The following PDE4D variants were observed in gnomAD, a reference collection of about 807,000 sequenced individuals.
PDE4D encodes the protein 3',5'-cyclic-AMP phosphodiesterase 4D.
PDE4D carries 24 observed loss-of-function variants against 87.4 expected under a neutral mutation model. That is an observed-to-expected ratio of 0.27 (90% CI 0.20 to 0.39). The LOEUF (loss-of-function observed/expected upper bound fraction) is 0.39, where lower values mean the gene tolerates loss of function less well. Among genes scored for constraint, PDE4D ranks in the 10% least tolerant of loss-of-function variants. The pLI is 1.00. For missense variants in PDE4D, 714 were observed against 1,041.0 expected (o/e 0.69, Z 4.32); for synonymous variants, 384 against 383.2 (o/e 1.00, Z -0.02).
chr5:59,035,784 T>C (rs1213362473), intron 6 of PDE4D, among the ~76,000 whole-genome samples: 1 of 152,184 alleles, frequency 6.6e-6, no homozygotes, highest in Non-Finnish European at 1.5e-5. Context: ...GAGACCTCAC[T>C]AAAATTACCC....
At chr5:59,148,558 C>T (rs917464068) in intron 5 of PDE4D, among the ~76,000 whole-genome samples, 4 of 152,100 alleles carry the variant, frequency 2.6e-5, no homozygotes, top group Non-Finnish European at 5.9e-5. Flanking sequence ...TATCCCAGCA[C>T]CTGCATGGTA....
chr5:59,613,332 C>A (rs2150076794), intron 1 of PDE4D, among the ~76,000 whole-genome samples: 1 of 152,232 alleles, frequency 6.6e-6, no homozygotes, highest in South Asian at 2.1e-4. Flanking sequence ...TGGTTTTGGA[C>A]ATGCTCAGTT....
chr5:60,092,607 G>A (rs1318649412), intron 2 of PDE4D, among the ~76,000 whole-genome samples: 3 of 151,210 alleles, frequency 2.0e-5, no homozygotes, highest in African/African-American at 7.3e-5. Context: ...AGGGTACTAG[G>A]AATAAAGTTA....
At chr5:59,533,699 A>C (rs770934168) in intron 1 of PDE4D, among the ~76,000 whole-genome samples, 19 of 152,220 alleles carry the variant, frequency 1.2e-4, no homozygotes, top group Non-Finnish European at 2.8e-4. Context: ...TTGGGGTCTT[A>C]TTAGAAGCAA....
intron 1 of PDE4D, among the ~76,000 whole-genome samples, chr5:59,321,504 C>T (rs926131846): frequency 6.6e-6 from 1 of 152,098 alleles, no homozygotes; most frequent in African/African-American, 2.4e-5. Context: ...CCTTTGTGTT[C>T]TCCCTGTTCT....
At chr5:59,979,628 A>T (rs1761712600) in intron 3 of PDE4D, among the ~76,000 whole-genome samples, 1 of 152,160 alleles carries the variant, frequency 6.6e-6, no homozygotes, top group Admixed American at 6.5e-5. Context: ...TCATCCAGAT[A>T]TGTTGCATAC....
intron 1 of PDE4D, among the ~76,000 whole-genome samples, chr5:59,428,993 C>T (rs536534229): frequency 5.9e-5 from 9 of 152,030 alleles, no homozygotes; most frequent in Non-Finnish European, 1.2e-4. Flanking sequence ...CACTGTGATG[C>T]CCAATTTTAA....
chr5:60,351,956 C>A (rs1424400334), intron 1 of PDE4D, among the ~76,000 whole-genome samples: 1 of 151,022 alleles, frequency 6.6e-6, no homozygotes, highest in African/African-American at 2.4e-5. Context: ...CAGGCGTGCA[C>A]CACCACACCC....
At chr5:59,922,225 A>G (rs1026763682) in intron 3 of PDE4D, among the ~76,000 whole-genome samples, 1 of 152,328 alleles carries the variant, frequency 6.6e-6, no homozygotes, top group East Asian at 1.9e-4. Context: ...CCTCACTGCC[A>G]TAAGTTAAAG....
chr5:59,373,829 C>A (rs952785017), intron 1 of PDE4D, among the ~76,000 whole-genome samples: 2 of 152,148 alleles, frequency 1.3e-5, no homozygotes, highest in Non-Finnish European at 2.9e-5. Context: ...AACTGTGGAC[C>A]TCTCAGCAGA....
intron 1 of PDE4D, among the ~76,000 whole-genome samples, chr5:59,542,093 A>G (rs1816453622): frequency 6.6e-6 from 1 of 152,010 alleles, no homozygotes; most frequent in Non-Finnish European, 1.5e-5. Flanking sequence ...TTTTGATACT[A>G]TTTCTCAAAT....
At chr5:59,852,194 T>C (rs1744775209) in intron 1 of PDE4D, among the ~76,000 whole-genome samples, 1 of 151,980 alleles carries the variant, frequency 6.6e-6, no homozygotes, top group Admixed American at 6.6e-5. Flanking sequence ...TCTTCACTGG[T>C]AGCCAGCCTC....
rs199799202 is a variant in PDE4D at position 59,191,769 on chromosome 5, T to C, written c.684+1731A>G. Among the ~76,000 whole-genome samples the C allele has an allele frequency of 2.0e-5, 3 of 152,036 alleles. No homozygotes were observed. In the East Asian group the frequency reaches 5.8e-4, roughly 29 times the overall value. On this transcript the variant is annotated intron_variant, in intron 3 of 14. Coordinates refer to ENST00000340635, the MANE Select transcript of PDE4D (RefSeq NM_001104631.2). ...TATTTTTAGTAGAGACAGGGTTTCA[T>C]CAAGTTGGCCAGGCTGGTCTCGAAC...
At chr5:59,986,036 C>G (rs1582049651) in intron 3 of PDE4D, among the ~76,000 whole-genome samples, 2 of 152,124 alleles carry the variant, frequency 1.3e-5, no homozygotes, top group South Asian at 2.1e-4. Context: ...AATTCGGAAC[C>G]CTGAAGTTCC....
chr5:60,409,807 T>C (rs16878027), intron 1 of PDE4D, among the ~76,000 whole-genome samples: 2 of 152,180 alleles, frequency 1.3e-5, no homozygotes, highest in Non-Finnish European at 2.9e-5. Flanking sequence ...AGTTCTTCCA[T>C]GGTGAAATGA....
At chr5:59,464,734 GA>G (rs1801309337) in intron 1 of PDE4D, among the ~76,000 whole-genome samples, 1 of 152,116 alleles carries the variant, frequency 6.6e-6, no homozygotes, top group South Asian at 2.1e-4. Context: ...CACAGGTGTG[GA>G]GGGGCAACCC....
At chr5:58,999,435 C>A in intron 6 of PDE4D, 3 of 894,146 alleles carry the variant, frequency 3.4e-6, no homozygotes, top group Non-Finnish European at 5.3e-6. Flanking sequence ...TCTAAGCTTT[C>A]TAAATAATTT....
chr5:59,324,305 C>T (rs937764426), intron 1 of PDE4D, among the ~76,000 whole-genome samples: 1 of 152,138 alleles, frequency 6.6e-6, no homozygotes, highest in Non-Finnish European at 1.5e-5. Context: ...AAGAGCCATT[C>T]CTTCCTACTA....
intron 1 of PDE4D, among the ~76,000 whole-genome samples, chr5:59,459,849 A>G (rs967375855): frequency 6.6e-6 from 1 of 152,198 alleles, no homozygotes; most frequent in Non-Finnish European, 1.5e-5. Flanking sequence ...AAACATTTCT[A>G]CAAAATTTTA....
Sources: allele counts gnomAD v4.1 joint callset (sites outside exome capture counted in the v4.1 genomes callset), GRCh38; gene constraint gnomAD v4.1.1; transcripts MANE v1.5; gene names NCBI Gene and HGNC (gene_info 2026-07-23, HGNC 2026-07-21).